The following RABGAP1L variants were observed in gnomAD, a reference collection of about 807,000 sequenced individuals.
The protein encoded by RABGAP1L is rab GTPase-activating protein 1-like.
RABGAP1L carries 63 observed loss-of-function variants against 137.7 expected under a neutral mutation model. The observed-to-expected ratio is 0.46, with a 90% CI of 0.37 to 0.56. RABGAP1L has a LOEUF of 0.56. Among genes scored for constraint, RABGAP1L ranks in the 20% least tolerant of loss-of-function variants. The pLI, the probability that RABGAP1L is intolerant of heterozygous loss-of-function variation, is 0.00. For missense variants in RABGAP1L, 1,095 were observed against 1,244.0 expected, an observed-to-expected ratio of 0.88 and a Z score of 1.80; for synonymous variants, 431 against 433.7, an observed-to-expected ratio of 0.99 and a Z score of 0.08.
chr1:174,388,919 C>T (rs1461619236), intron 12 of RABGAP1L, among the ~76,000 whole-genome samples: 2 of 152,052 alleles, frequency 1.3e-5, no homozygotes, highest in African/African-American at 2.4e-5. Flanking sequence ...ACTTCCACCT[C>T]CTATCAAAAT....
At chr1:174,788,477 G>T (rs566490582) in intron 18 of RABGAP1L, among the ~76,000 whole-genome samples, 1 of 152,148 alleles carries the variant, frequency 6.6e-6, no homozygotes, top group African/African-American at 2.4e-5. Flanking sequence ...CTCTATTTCC[G>T]TAGCACACCA....
chr1:174,713,710 AC>A (rs1213176930), intron 17 of RABGAP1L, among the ~76,000 whole-genome samples: 4 of 151,950 alleles, frequency 2.6e-5, no homozygotes, highest in African/African-American at 9.7e-5. Context: ...CCAAAATAAA[AC>A]CTCTTTTGTT....
At chr1:174,258,897 C>T (rs181155406) in intron 7 of RABGAP1L, among the ~76,000 whole-genome samples, 1 of 152,102 alleles carries the variant, frequency 6.6e-6, no homozygotes, top group Non-Finnish European at 1.5e-5. Context: ...CCTGCCTCAG[C>T]CTCCCAAGTA....
intron 13 of RABGAP1L, among the ~76,000 whole-genome samples, chr1:174,419,614 A>T (rs1172008743): frequency 6.6e-6 from 1 of 152,228 alleles, no homozygotes; most frequent in Non-Finnish European, 1.5e-5. Flanking sequence ...ATGGACACAT[A>T]GTATAATTTA....
rs546634686 is a variant in RABGAP1L at position 174,619,526 on chromosome 1, A to G, written c.1711-17849A>G. Among the ~76,000 whole-genome samples, 6 of 152,338 alleles carry G rather than the reference A, an allele frequency of 3.9e-5. No homozygotes were observed. In the South Asian group the frequency reaches 1.2e-3, roughly 32 times the overall value. ...AAGAATTTTCAGCCCAGAATTTCATATCCAGCCAAACTAAGCTTCATAAGT... is the reference window on the plus strand; with the variant it reads ...AAGAATTTTCAGCCCAGAATTTCATGTCCAGCCAAACTAAGCTTCATAAGT... On this transcript the variant is annotated intron_variant, in intron 13 of 25. Transcript: ENST00000681986.
In RABGAP1L at chr1:174,769,312, C is replaced by T. The variant is rs560028138; in HGVS notation, c.2211+16958C>T. Among the ~76,000 whole-genome samples, 10 of 152,126 alleles carry T rather than the reference C, an allele frequency of 6.6e-5. No homozygotes were observed. In the South Asian group the frequency reaches 2.1e-3, roughly 32 times the overall value. ...GGTCATCTTGTGCGCTGAGTTGCTTCTGGGTGGGGCCACAGGAGCAGTTGG... is the reference window on the plus strand; with the variant it reads ...GGTCATCTTGTGCGCTGAGTTGCTTTTGGGTGGGGCCACAGGAGCAGTTGG... On this transcript the variant is annotated intron_variant, in intron 18 of 25. Coordinates refer to ENST00000681986, the MANE Select transcript of RABGAP1L (RefSeq NM_001366446.1).
chr1:174,548,065 T>C, intron 13 of RABGAP1L: 1 of 1,549,760 alleles, frequency 6.5e-7, no homozygotes. Flanking sequence ...AATGCGTCAG[T>C]GCTCTTGGCA....
chr1:174,380,550 T>C (rs1686038822), intron 12 of RABGAP1L, among the ~76,000 whole-genome samples: 1 of 152,150 alleles, frequency 6.6e-6, no homozygotes, highest in Non-Finnish European at 1.5e-5. Context: ...TATCCATTTC[T>C]TCTAGATTTT....
chr1:174,869,959 GT>G (rs1651918158), intron 19 of RABGAP1L, among the ~76,000 whole-genome samples: 1 of 152,092 alleles, frequency 6.6e-6, no homozygotes, highest in African/African-American at 2.4e-5. Flanking sequence ...TTGTGTATAA[GT>G]TATCCAGTCT....
chr1:174,272,110 A>C (rs1476272713), intron 7 of RABGAP1L, among the ~76,000 whole-genome samples: 1 of 151,976 alleles, frequency 6.6e-6, no homozygotes, highest in Non-Finnish European at 1.5e-5. Flanking sequence ...ATCTCCCTAG[A>C]AACTAATTTG....
Position 174,248,719 on chromosome 1 carries a change from A to G in RABGAP1L, c.718-1756A>G, listed in dbSNP as rs138664317. Among the ~76,000 whole-genome samples, 251 of 152,342 alleles carry G rather than the reference A, an allele frequency of 1.6e-3. 1 individual carries two copies. The highest frequency in any genetic ancestry group is 5.7e-3 in the African/African-American group (236 of 41,576). On this transcript the variant is annotated intron_variant, in intron 5 of 25. Transcript: ENST00000681986. ...TGTGAATAAAACAAAGGAAAACAGA[A>G]GACCTCATACTTTAACAGACTCTTC... is the stretch of plus-strand genomic sequence containing the variant.
chr1:174,944,132 G>A (rs1211731323), intron 19 of RABGAP1L, among the ~76,000 whole-genome samples: 1 of 151,688 alleles, frequency 6.6e-6, no homozygotes, highest in Non-Finnish European at 1.5e-5. Context: ...AATTAGCCAG[G>A]TGTGGTGGTG....
intron 13 of RABGAP1L, among the ~76,000 whole-genome samples, chr1:174,610,595 G>C (rs1177044196): frequency 1.3e-5 from 2 of 152,070 alleles, no homozygotes; most frequent in South Asian, 2.1e-4. Context: ...GGGTCAAATG[G>C]TATTTCTAGT....
chr1:174,200,054 C>T (rs1020246980), intron 1 of RABGAP1L, among the ~76,000 whole-genome samples: 1 of 152,070 alleles, frequency 6.6e-6, no homozygotes, highest in East Asian at 1.9e-4. Flanking sequence ...TTGAGATTTT[C>T]GTAACAAGTT....
chr1:174,446,858 G>T (rs1242028090), intron 13 of RABGAP1L, among the ~76,000 whole-genome samples: 3 of 152,086 alleles, frequency 2.0e-5, no homozygotes, highest in Non-Finnish European at 4.4e-5. Context: ...AAATAGAAAA[G>T]GTATAGCAAC....
intron 18 of RABGAP1L, among the ~76,000 whole-genome samples, chr1:174,788,095 G>A (rs377487856): frequency 6.6e-6 from 1 of 152,088 alleles, no homozygotes; most frequent in Non-Finnish European, 1.5e-5. Flanking sequence ...TGATAACCAG[G>A]GTGTCCCTAA....
intron 11 of RABGAP1L, among the ~76,000 whole-genome samples, chr1:174,308,475 G>A (rs980034154): frequency 6.6e-6 from 1 of 151,844 alleles, no homozygotes; most frequent in African/African-American, 2.4e-5. Flanking sequence ...TCATGGAGCT[G>A]CTCCCCTTTG....
chr1:174,918,057 G>A (rs1188730852), intron 19 of RABGAP1L, among the ~76,000 whole-genome samples: 4 of 151,988 alleles, frequency 2.6e-5, no homozygotes, highest in Non-Finnish European at 5.9e-5. Flanking sequence ...CAAACAGAAA[G>A]CAGAGTCTTC....
chr1:174,702,682 T>G (rs1679748022), intron 17 of RABGAP1L, among the ~76,000 whole-genome samples: 1 of 152,186 alleles, frequency 6.6e-6, no homozygotes, highest in Non-Finnish European at 1.5e-5. Flanking sequence ...TCTTTCTGTT[T>G]ATCATGTTTG....
Sources: gnomAD v4.1 joint callset for allele counts (sites outside exome capture counted in the v4.1 genomes callset) on GRCh38, gnomAD v4.1.1 for gene constraint, MANE v1.5 for transcripts, NCBI Gene and HGNC (gene_info 2026-07-23, HGNC 2026-07-21) for gene names.